VPS54: variants seen among roughly 807,000 people sequenced by gnomAD.
The protein encoded by VPS54 is vacuolar protein sorting-associated protein 54.
Under a neutral mutation model 121.5 loss-of-function variants are expected in VPS54, and 45 were observed. The ratio of observed to expected loss-of-function variants is 0.37; its 90% CI spans 0.29 to 0.47. VPS54 has a LOEUF of 0.47. Ranked by LOEUF, VPS54 falls within the 20% of genes least tolerant of loss-of-function variation. The probability of loss-of-function intolerance (pLI) is 0.99; values close to 1 mark genes in which losing one functional copy is unlikely to be tolerated. For synonymous variants in VPS54, 371 were observed against 385.8 expected (o/e 0.96, Z 0.45); for missense variants, 1,090 against 1,131.4 (o/e 0.96, Z 0.52).
intron 7 of VPS54, among the ~76,000 whole-genome samples, chr2:63,950,045 C>A (rs1443589243): frequency 2.0e-5 from 3 of 152,156 alleles, no homozygotes; most frequent in Admixed American, 1.3e-4. Context: ...TCTGTTAATT[C>A]CTCTGTTGTG....
At chr2:63,980,769 G>A (rs1450392876) in intron 3 of VPS54, among the ~76,000 whole-genome samples, 2 of 151,892 alleles carry the variant, frequency 1.3e-5, no homozygotes, top group Non-Finnish European at 2.9e-5. Context: ...CCAAATTATA[G>A]GTTACAAAGG....
At chr2:63,893,609 CGAGTCA>C in intron 22 of VPS54, 74 bp from the exon 23 acceptor site, 1 of 1,276,414 alleles carries the variant, frequency 7.8e-7, no homozygotes. Flanking sequence ...CAGTGCTCAC[CGAGTCA>C]GAGTCCTATT....
chr2:63,976,623 A>G (rs1676543495), intron 3 of VPS54, among the ~76,000 whole-genome samples: 1 of 152,058 alleles, frequency 6.6e-6, no homozygotes, highest in Non-Finnish European at 1.5e-5. Flanking sequence ...TAATAAATAT[A>G]GGCCTATTCA....
chr2:63,908,936 T>G (rs752924325), intron 20 of VPS54, among the ~76,000 whole-genome samples: 8 of 152,218 alleles, frequency 5.3e-5, no homozygotes, highest in Non-Finnish European at 8.8e-5. Flanking sequence ...TCCAAAACCC[T>G]GACAATGAAT....
chr2:63,914,404 T>C (rs1673286786), intron 16 of VPS54, 117 bp from the exon 17 acceptor site: 1 of 694,232 alleles, frequency 1.4e-6, no homozygotes, highest in Admixed American at 2.7e-5. Context: ...TATAATGACC[T>C]TGGTAACTAT....
At chr2:63,943,516 AGT>A (rs1337832825) in intron 10 of VPS54, among the ~76,000 whole-genome samples, 3 of 152,178 alleles carry the variant, frequency 2.0e-5, no homozygotes, top group African/African-American at 4.8e-5. Context: ...TCTGAAATTG[AGT>A]TTTCCCTAGA....
At chr2:63,927,185 A>G (rs1186458078) in intron 12 of VPS54, among the ~76,000 whole-genome samples, 1 of 152,182 alleles carries the variant, frequency 6.6e-6, no homozygotes. Flanking sequence ...GAGCTCTGAT[A>G]ACGGACAGAC....
At chr2:63,933,285 T>A (rs1674299613) in intron 12 of VPS54, among the ~76,000 whole-genome samples, 1 of 152,096 alleles carries the variant, frequency 6.6e-6, no homozygotes, top group South Asian at 2.1e-4. Context: ...TCACAACATA[T>A]AAATCACAAA....
At chr2:63,936,385 A>T (rs1674453786) in intron 11 of VPS54, among the ~76,000 whole-genome samples, 1 of 152,190 alleles carries the variant, frequency 6.6e-6, no homozygotes, top group Non-Finnish European at 1.5e-5. Context: ...TACATGGTTT[A>T]CTTTCTGAAC....
intron 6 of VPS54, among the ~76,000 whole-genome samples, chr2:63,965,144 A>G (rs1031736910): frequency 4.6e-5 from 7 of 152,186 alleles, no homozygotes; most frequent in African/African-American, 1.7e-4. Flanking sequence ...TACCTCGGAA[A>G]ATATTGGTTT....
chr2:63,896,331 T>C (rs1234369391), intron 22 of VPS54, among the ~76,000 whole-genome samples: 1 of 152,144 alleles, frequency 6.6e-6, no homozygotes, highest in Non-Finnish European at 1.5e-5. Context: ...TTTTGGTTGT[T>C]TGTCAAAAGG....
intron 1 of VPS54, among the ~76,000 whole-genome samples, chr2:64,012,812 G>A (rs1267052252): frequency 6.6e-6 from 1 of 151,800 alleles, no homozygotes; most frequent in Non-Finnish European, 1.5e-5. Context: ...TTCTCTTTTT[G>A]GTCTACTTCC....
chr2:63,924,319 G>A (rs1673795588), intron 12 of VPS54, among the ~76,000 whole-genome samples: 1 of 152,180 alleles, frequency 6.6e-6, no homozygotes, highest in Non-Finnish European at 1.5e-5. Context: ...AATTATTCTG[G>A]CCACTAGGAT....
chr2:63,918,397 A>C (rs1382507863), intron 15 of VPS54, among the ~76,000 whole-genome samples: 1 of 151,974 alleles, frequency 6.6e-6, no homozygotes, highest in African/African-American at 2.4e-5. Flanking sequence ...ACAGCACCTC[A>C]CATAGAGGGA....
intron 10 of VPS54, among the ~76,000 whole-genome samples, 183 bp downstream of exon 10, chr2:63,944,417 A>G (rs1034407176): frequency 6.6e-6 from 1 of 152,020 alleles, no homozygotes; most frequent in East Asian, 1.9e-4. Context: ...TTTTTTTCCA[A>G]CTACCTTTCT....
chr2:63,893,328 CTT>C lies in VPS54; in HGVS notation c.*100_*101del. The C allele has an allele frequency of 9.7e-7, 1 of 1,028,256 alleles. No individual in the cohort carries two copies. Among genetic ancestry groups the C allele is most frequent in the Non-Finnish European group, 1.5e-6 (1 of 646,472 alleles). The allele number at this position is 1,028,256 out of a possible 1,614,324, so 63.7% of individuals were successfully genotyped here. ...TTTTCCCTTCCCCCACCCCAGTTCA[CTT>C]TGGGTTTCAGGTTCAATTCTCGAAT... On this transcript the variant is annotated 3_prime_UTR_variant, in exon 23 of 23. Coordinates refer to ENST00000272322, the MANE Select transcript of VPS54 (RefSeq NM_016516.3).
chr2:63,980,884 T>TAC (rs1365458662), intron 3 of VPS54, among the ~76,000 whole-genome samples: 2 of 152,070 alleles, frequency 1.3e-5, no homozygotes, highest in Non-Finnish European at 2.9e-5. Flanking sequence ...TGGCAATATA[T>TAC]ACACACAAAG....
At chr2:63,968,323 G>A (rs1451816020) in intron 5 of VPS54, among the ~76,000 whole-genome samples, 1 of 151,402 alleles carries the variant, frequency 6.6e-6, no homozygotes, top group Non-Finnish European at 1.5e-5. Flanking sequence ...AGGTTTCAGT[G>A]ATGAGAAAGA....
chr2:63,976,203 G>A (rs1028216011), intron 3 of VPS54, among the ~76,000 whole-genome samples: 8 of 151,886 alleles, frequency 5.3e-5, no homozygotes, highest in Non-Finnish European at 7.4e-5. Context: ...TTAGCCAGGC[G>A]TGGTGTTGTG....
Sources: gnomAD v4.1 joint callset for allele counts (sites outside exome capture counted in the v4.1 genomes callset) on GRCh38, gnomAD v4.1.1 for gene constraint, MANE v1.5 for transcripts, NCBI Gene and HGNC (gene_info 2026-07-23, HGNC 2026-07-21) for gene names.